The following C5 variants were observed in gnomAD, a reference collection of about 807,000 sequenced individuals.
C5 encodes complement C5, also known as C3 and PZP-like alpha-2-macroglobulin domain-containing protein 4.
A neutral mutation model predicts 218.8 loss-of-function variants in C5; 140 were observed. The ratio of observed to expected loss-of-function variants is 0.64; its 90% confidence interval spans 0.56 to 0.74. The LOEUF is 0.74. Among genes scored for constraint, C5 ranks in the 30% least tolerant of loss-of-function variants. C5 has a pLI of 0.00. For missense variants in C5, 1,700 were observed against 1,969.6 expected (o/e 0.86, Z 2.59); for synonymous variants, 614 against 682.3 (o/e 0.90, Z 1.56).
chr9:120,957,514 C>A, intron 38 of C5, 146 bp from the exon 39 acceptor site: 1 of 654,222 alleles, frequency 1.5e-6, no homozygotes, highest in South Asian at 1.6e-5. Flanking sequence ...CTTCCCCAAT[C>A]CCCTCAGTCT....
At chr9:121,050,888 T>A (rs1313183045), upstream of C5, among the ~76,000 whole-genome samples, 1 of 152,154 alleles carries the variant, frequency 6.6e-6, no homozygotes, top group African/African-American at 2.4e-5. Flanking sequence ...GATGCTGTCG[T>A]CATTCTCTAA....
At chr9:121,073,459 G>T in the C5 span, among the ~76,000 whole-genome samples, 1 of 144,976 alleles carries the variant, frequency 6.9e-6, no homozygotes. Context: ...GTCCCTCACT[G>T]TTCTAAGTTC....
intron 33 of C5, among the ~76,000 whole-genome samples, chr9:120,967,291 T>A (rs1480789506): frequency 6.6e-6 from 1 of 151,070 alleles, no homozygotes; most frequent in East Asian, 1.9e-4. Flanking sequence ...GTGGTTTAGA[T>A]ACTGGATTGA....
chr9:120,990,027 T>C (rs1368580433), intron 23 of C5, among the ~76,000 whole-genome samples: 1 of 152,134 alleles, frequency 6.6e-6, no homozygotes, highest in Non-Finnish European at 1.5e-5. Flanking sequence ...AGTGGACTGA[T>C]TGCTGCAAGA....
chr9:121,052,019 G>A (rs988601205), upstream of C5, among the ~76,000 whole-genome samples: 89 of 152,296 alleles, frequency 5.8e-4, 1 homozygote, highest in African/African-American at 2.0e-3. Context: ...ATATTTGCAA[G>A]CCATTGTCCT....
the C5 span, among the ~76,000 whole-genome samples, chr9:121,056,015 AAG>A: frequency 1.3e-5 from 2 of 152,346 alleles, no homozygotes; most frequent in African/African-American, 4.8e-5. Flanking sequence ...AAGAGTCTGT[AAG>A]AGTTTCAGTG....
intron 1 of C5, among the ~76,000 whole-genome samples, chr9:121,048,939 C>T (rs190622149): frequency 9.9e-4 from 151 of 152,242 alleles, no homozygotes; most frequent in Non-Finnish European, 2.0e-3. Flanking sequence ...TTTTAATTCT[C>T]ATACTCTGCT....
chr9:120,983,254 G>C (rs2047008267), intron 25 of C5, among the ~76,000 whole-genome samples: 1 of 152,100 alleles, frequency 6.6e-6, no homozygotes, highest in Admixed American at 6.6e-5. Context: ...AATGTCCCTG[G>C]AGTGTTTATC....
chr9:121,002,353 T>C (rs2047180121), intron 20 of C5, among the ~76,000 whole-genome samples: 1 of 139,676 alleles, frequency 7.2e-6, no homozygotes, highest in Admixed American at 7.4e-5. Context: ...CACACATACC[T>C]ACACAAGCCG....
At chr9:120,989,473 C>T (rs2047059321) in intron 24 of C5, 95 bp downstream of exon 24, 4 of 839,362 alleles carry the variant, frequency 4.8e-6, no homozygotes, top group Non-Finnish European at 7.4e-6. Flanking sequence ...AATTCTCTTA[C>T]AAAGTTTTCT....
chr9:121,072,485 A>T, the C5 span, among the ~76,000 whole-genome samples: 1 of 152,194 alleles, frequency 6.6e-6, no homozygotes, highest in Non-Finnish European at 1.5e-5. Flanking sequence ...CCAATCTAAT[A>T]AATATCACCT....
At position 120,963,118 on chromosome 9, in the gene C5, C is replaced by T. The variant is rs1370658438; in HGVS notation, c.4324-151G>A. 3 of 705,778 alleles carry T rather than the reference C, an allele frequency of 4.3e-6. No individual in the cohort carries two copies. In the Admixed American group the frequency reaches 6.4e-5, roughly 15 times the overall value. 43.7% of individuals were successfully genotyped at this position (705,778 alleles called of 1,614,324 possible). On this transcript the variant is annotated intron_variant, in intron 34 of 40. Transcript: ENST00000223642. ...TCCTCTTCTTGAAAAAGTCTGAACA[C>T]ATTAGCATATAAACTCATATTTTAC...
chr9:120,985,593 T>G (rs1171823480), intron 25 of C5, among the ~76,000 whole-genome samples: 2 of 152,198 alleles, frequency 1.3e-5, no homozygotes, highest in Admixed American at 6.5e-5. Context: ...ATGTGATATA[T>G]TTGTAAAATA....
chr9:121,032,199 T>C lies in C5; in HGVS notation c.585-4A>G, dbSNP rs372621958. On this transcript the variant is annotated splice_region_variant and splice_polypyrimidine_tract_variant and intron_variant, in intron 5 of 40. Transcript: ENST00000223642. ...CTTGATCGTCCACATACCATATCTGTGGAAGCAAAATATTTAAAATTATAG... is the reference window on the plus strand; with the variant it reads ...CTTGATCGTCCACATACCATATCTGCGGAAGCAAAATATTTAAAATTATAG... The C allele has an allele frequency of 1.9e-6, 3 of 1,564,526 alleles. No homozygotes were observed. Among genetic ancestry groups the C allele is most frequent in the Non-Finnish European group, 2.6e-6 (3 of 1,135,400 alleles).
chr9:121,036,945 C>T (rs907652895), intron 4 of C5, among the ~76,000 whole-genome samples: 2 of 151,980 alleles, frequency 1.3e-5, no homozygotes, highest in African/African-American at 2.4e-5. Context: ...AGTAGTATAC[C>T]TACTGTTAAT....
rs773529922 is a variant in C5 at position 121,016,319 on chromosome 9, T to C, written c.1931A>G (p.Asn644Ser). 8 of 1,613,952 alleles carry C rather than the reference T, an allele frequency of 5.0e-6. No homozygotes were observed. Among genetic ancestry groups the C allele is most frequent in the South Asian group, 3.3e-5 (3 of 91,080 alleles). Residue 644 changes from asparagine (N) to serine (S), a missense_variant, in exon 15 of 41, where the codon AAT (asparagine) becomes AGT (serine). Transcript: ENST00000223642. ...CGAGGGLNNA[N>S]VFHLAGLTFL... ...GGTAAGTCCAGCTAGGTGGAACACA[T>C]TGGCATTGTTGAGGCCACCACCTGC... is the stretch of plus-strand genomic sequence containing the variant.
At chr9:121,048,421 C>T (rs1029468916) in intron 1 of C5, among the ~76,000 whole-genome samples, 3 of 152,152 alleles carry the variant, frequency 2.0e-5, no homozygotes, top group African/African-American at 4.8e-5. Context: ...TATTGTGAAC[C>T]GCACATGCGA....
chr9:120,966,397 G>A (rs914795608), intron 33 of C5, among the ~76,000 whole-genome samples: 9 of 152,220 alleles, frequency 5.9e-5, no homozygotes, highest in Non-Finnish European at 1.3e-4. Context: ...ATAAGGTAGT[G>A]CAATATCTTT....
intron 33 of C5, among the ~76,000 whole-genome samples, chr9:120,966,859 C>T (rs2046871684): frequency 6.6e-6 from 1 of 151,988 alleles, no homozygotes. Context: ...TCCTAAGAAG[C>T]GATTGGGCTT....
Sources: allele counts gnomAD v4.1 joint callset (sites outside exome capture counted in the v4.1 genomes callset), GRCh38; gene constraint gnomAD v4.1.1; transcripts MANE v1.5; gene names NCBI Gene and HGNC (gene_info 2026-07-23, HGNC 2026-07-21).